CEP112: variants seen among roughly 807,000 people sequenced by gnomAD.
CEP112 encodes centrosomal protein of 112 kDa.
Under a neutral mutation model 153.0 loss-of-function variants are expected in CEP112, and 127 were observed. The ratio of observed to expected loss-of-function variants is 0.83; its 90% CI spans 0.72 to 0.96. The LOEUF (loss-of-function observed/expected upper bound fraction) is 0.96. Ranked by LOEUF, CEP112 falls within the 40% of genes least tolerant of loss-of-function variation. CEP112 has a pLI of 0.00. For synonymous variants in CEP112, 358 were observed against 374.4 expected (o/e 0.96, Z 0.51); for missense variants, 1,089 against 1,101.2 (o/e 0.99, Z 0.16).
chr17:66,192,041 A>ACGCCGCCGCCAC lies in CEP112; in HGVS notation c.-65_-54dup. On this transcript the variant is annotated 5_prime_UTR_variant, in exon 1 of 27. Transcript: ENST00000535342. ...GCTTTCCGCTCGGCCGCTGCCGCCA[A>ACGCCGCCGCCAC]CGCCGCCGCCACCGCCGCCCCTGCC... 6.5e-6 allele frequency: 1 copy of ACGCCGCCGCCAC among 154,134 alleles called. No homozygotes were observed. Among genetic ancestry groups the ACGCCGCCGCCAC allele is most frequent in the Non-Finnish European group, 1.5e-5 (1 of 68,910 alleles). 9.5% of individuals were successfully genotyped at this position (154,134 alleles called of 1,614,324 possible).
intron 23 of CEP112, among the ~76,000 whole-genome samples, chr17:65,704,879 T>C (rs1354493460): frequency 6.6e-6 from 1 of 152,264 alleles, no homozygotes; most frequent in Non-Finnish European, 1.5e-5. Context: ...TGAGAGGATT[T>C]ACAAAGATCC....
At chr17:66,080,390 C>G (rs764574164) in intron 8 of CEP112, among the ~76,000 whole-genome samples, 2 of 152,170 alleles carry the variant, frequency 1.3e-5, no homozygotes, top group African/African-American at 2.4e-5. Context: ...GACGTTTATA[C>G]GGCCAACAAA....
chr17:65,877,423 CA>C lies in CEP112; in HGVS notation c.2163+24728del, dbSNP rs1346939064. 3.9e-5 allele frequency among the ~76,000 whole-genome samples: 6 copies of C among 152,304 alleles called. No individual in the cohort carries two copies. The East Asian group carries it at 1.2e-3, about 29-fold the overall frequency. On this transcript the variant is annotated intron_variant, in intron 20 of 26. Coordinates refer to ENST00000535342, the MANE Select transcript of CEP112 (RefSeq NM_001199165.4). ...TCTGTGTACATTCTAAAAGATTACC[CA>C]GGGGTCCTCAGTGGAATGGAGTCTC... is the stretch of plus-strand genomic sequence containing the variant.
At position 65,970,487 on chromosome 17, in the gene CEP112, GCACA is replaced by G. The variant is rs144028251; in HGVS notation, c.1737-8893_1737-8890del. On this transcript the variant is annotated intron_variant, in intron 17 of 26. Transcript: ENST00000535342. ...ACACATGCATGTATATTACATGCAT[GCACA>G]CTACATGCATATTATATGCATGCAT... 6.0e-5 allele frequency among the ~76,000 whole-genome samples: 4 copies of G among 66,688 alleles called. No individual in the cohort carries two copies. The Admixed American group carries it at 1.1e-3, about 18-fold the overall frequency. The allele number at this position is 66,688 out of a possible 152,430, so 43.7% of individuals were successfully genotyped here.
intron 25 of CEP112, among the ~76,000 whole-genome samples, chr17:65,637,969 T>A (rs2044868118): frequency 6.6e-6 from 1 of 152,184 alleles, no homozygotes; most frequent in Non-Finnish European, 1.5e-5. Context: ...TTGTCTGGAG[T>A]TAGGCCAACT....
At chr17:65,885,489 T>A (rs1273108894) in intron 20 of CEP112, among the ~76,000 whole-genome samples, 1 of 152,164 alleles carries the variant, frequency 6.6e-6, no homozygotes, top group Admixed American at 6.5e-5. Context: ...GTTTTCCTTT[T>A]TAAAAAAAAA....
chr17:65,841,296 C>T (rs1008637534), intron 21 of CEP112, among the ~76,000 whole-genome samples: 1 of 151,980 alleles, frequency 6.6e-6, no homozygotes, highest in African/African-American at 2.4e-5. Context: ...GCGATATATA[C>T]ACAACAGAGT....
chr17:65,833,051 C>G (rs1002424528), intron 21 of CEP112, among the ~76,000 whole-genome samples: 6 of 152,126 alleles, frequency 3.9e-5, no homozygotes, highest in Admixed American at 1.3e-4. Flanking sequence ...GTTGGTTCAA[C>G]CTACACAAAT....
intron 21 of CEP112, among the ~76,000 whole-genome samples, chr17:65,777,981 A>C (rs1171871568): frequency 1.3e-5 from 2 of 151,756 alleles, no homozygotes. Context: ...TCTCAGTCTC[A>C]CGTTGACAGT....
At chr17:66,041,286 G>A (rs575632787) in intron 12 of CEP112, among the ~76,000 whole-genome samples, 207 of 151,826 alleles carry the variant, frequency 1.4e-3, no homozygotes, top group African/African-American at 4.8e-3. Context: ...TGTCAAACAA[G>A]GAAAAACATT....
intron 21 of CEP112, among the ~76,000 whole-genome samples, chr17:65,825,692 AAATT>A (rs373168260): frequency 2.1e-3 from 315 of 152,308 alleles, no homozygotes; most frequent in African/African-American, 7.5e-3. Flanking sequence ...TCATAACTTA[AAATT>A]AATTAATTAA....
intron 21 of CEP112, among the ~76,000 whole-genome samples, chr17:65,774,175 T>A (rs905814070): frequency 6.6e-5 from 10 of 151,386 alleles, no homozygotes; most frequent in African/African-American, 2.4e-4. Flanking sequence ...TACTTGAAAG[T>A]CGGTTTTATC....
chr17:66,073,301 G>C (rs369418163), intron 8 of CEP112, among the ~76,000 whole-genome samples: 3 of 152,144 alleles, frequency 2.0e-5, no homozygotes, highest in African/African-American at 7.2e-5. Flanking sequence ...TTTCCGCCTG[G>C]GTACAACAAC....
At chr17:66,160,597 AT>A (rs1244450798) in intron 4 of CEP112, among the ~76,000 whole-genome samples, 1 of 152,110 alleles carries the variant, frequency 6.6e-6, no homozygotes, top group Non-Finnish European at 1.5e-5. Context: ...TGGGGAAAGG[AT>A]TTCCTATTAA....
At chr17:65,747,551 C>T (rs1246925539) in intron 22 of CEP112, among the ~76,000 whole-genome samples, 1 of 152,170 alleles carries the variant, frequency 6.6e-6, no homozygotes, top group African/African-American at 2.4e-5. Flanking sequence ...ATTGAAGAGG[C>T]AAGGTTAATA....
chr17:65,870,365 T>C (rs2058633379), intron 20 of CEP112, among the ~76,000 whole-genome samples: 1 of 152,134 alleles, frequency 6.6e-6, no homozygotes, highest in Non-Finnish European at 1.5e-5. Flanking sequence ...TGCTCCTAGG[T>C]TAAGTTAAAA....
At chr17:65,711,855 G>A (rs776830268) in intron 23 of CEP112, among the ~76,000 whole-genome samples, 3 of 152,254 alleles carry the variant, frequency 2.0e-5, no homozygotes, top group South Asian at 4.1e-4. Context: ...CAGGTACCAC[G>A]TCCGTTACCA....
intron 21 of CEP112, 59 bp downstream of exon 21, chr17:65,851,745 G>A: frequency 8.5e-7 from 1 of 1,182,068 alleles, no homozygotes; most frequent in Non-Finnish European, 1.2e-6. Context: ...AAGGGTGGTG[G>A]CAATGGATTT....
chr17:66,096,833 G>T (rs2146283138), intron 6 of CEP112, among the ~76,000 whole-genome samples: 1 of 152,180 alleles, frequency 6.6e-6, no homozygotes, highest in Admixed American at 6.5e-5. Context: ...TCCCTTGCAT[G>T]CCAAAATGAA....
Sources: allele counts gnomAD v4.1 joint callset (sites outside exome capture counted in the v4.1 genomes callset), GRCh38; gene constraint gnomAD v4.1.1; transcripts MANE v1.5; gene names NCBI Gene and HGNC (gene_info 2026-07-23, HGNC 2026-07-21).